Variants in SNX13 observed in about 807,000 individuals in gnomAD.
SNX13 encodes the protein sorting nexin 13.
A neutral mutation model predicts 133.6 loss-of-function variants in SNX13; 45 were observed. That is an observed-to-expected ratio of 0.34 (90% CI 0.27 to 0.43). The LOEUF is 0.43. SNX13 is among the 20% of genes least tolerant of loss of function. SNX13 has a pLI of 1.00. For missense variants in SNX13, 1,032 were observed against 1,145.1 expected (o/e 0.90, Z 1.43); for synonymous variants, 414 against 373.9 (o/e 1.11, Z -1.24).
rs955692072 is a variant in SNX13, at chr7:17,793,926, T to A, written c.*119A>T. Reference sequence around the variant, plus strand: ...CACAGACTTATGGATGTATTAATAATCTATTTTGAGACACTAAAAGACTGG... The same window carrying A: ...CACAGACTTATGGATGTATTAATAAACTATTTTGAGACACTAAAAGACTGG... On this transcript the variant is annotated 3_prime_UTR_variant, in exon 26 of 26. Coordinates refer to ENST00000428135, the MANE Select transcript of SNX13 (RefSeq NM_015132.5). The A allele has an allele frequency of 5.6e-6, 6 of 1,068,880 alleles. No homozygotes were observed. In the African/African-American group the frequency reaches 9.6e-5, roughly 17 times the overall value. 66.2% of individuals were successfully genotyped at this position (1,068,880 alleles called of 1,614,324 possible).
chr7:17,876,228 A>T (rs1280045625), intron 5 of SNX13, among the ~76,000 whole-genome samples: 1 of 152,214 alleles, frequency 6.6e-6, no homozygotes, highest in African/African-American at 2.4e-5. Flanking sequence ...CTCCACATTC[A>T]TCTTTTTAGC....
intron 1 of SNX13, among the ~76,000 whole-genome samples, chr7:17,920,854 T>C (rs1359811104): frequency 6.6e-6 from 1 of 152,214 alleles, no homozygotes; most frequent in East Asian, 1.9e-4. Context: ...AAATAGTTGC[T>C]CACAAATCTA....
chr7:17,879,508 A>C (rs948716360), intron 5 of SNX13: 1 of 152,222 alleles, frequency 6.6e-6, no homozygotes, highest in Admixed American at 6.5e-5. Context: ...TGTTTGGACA[A>C]TGGCAACAGG....
In SNX13 at chr7:17,924,512, G is replaced by A. The variant is rs976299997; in HGVS notation, c.12+15772C>T. Among the ~76,000 whole-genome samples, 6 of 152,164 alleles carry A rather than the reference G, an allele frequency of 3.9e-5. No individual in the cohort carries two copies. In the South Asian group the frequency reaches 8.3e-4, roughly 21 times the overall value. ...GAAAACAAAACCTTCCTACACTCCTGGTAGAAATGTAAAATAGTGCAGCCA... is the reference window on the plus strand; with the variant it reads ...GAAAACAAAACCTTCCTACACTCCTAGTAGAAATGTAAAATAGTGCAGCCA... On this transcript the variant is annotated intron_variant, in intron 1 of 25. Coordinates refer to ENST00000428135, the MANE Select transcript of SNX13 (RefSeq NM_015132.5).
chr7:17,801,627 G>T lies in SNX13; in HGVS notation c.2259C>A (p.Asp753Glu). The change falls in exon 22 of 26, where the codon GAC becomes GAA. Residue 753 changes from aspartate (D) to glutamate (E), a missense_variant. Transcript: ENST00000428135. ...GAGCCGAAACTCGGCGATGTTCAGG[G>T]TCTGAATCAGTCTTAGGAATTAAAG... ...VPPLIPKTDS[D>E]PEHRRVSAQL... 1 of 1,609,178 alleles carries T rather than the reference G, an allele frequency of 6.2e-7. No homozygotes were observed. The highest frequency in any genetic ancestry group is 1.1e-5 in the South Asian group (1 of 89,764).
At chr7:17,879,018 C>G (rs1795048524) in intron 5 of SNX13, among the ~76,000 whole-genome samples, 1 of 152,144 alleles carries the variant, frequency 6.6e-6, no homozygotes. Context: ...ACATGCCAAC[C>G]TTCACTGACC....
chr7:17,835,858 T>G (rs999273385), intron 13 of SNX13, among the ~76,000 whole-genome samples: 9 of 152,066 alleles, frequency 5.9e-5, no homozygotes, highest in South Asian at 2.1e-4. Context: ...GTGTGGTGGT[T>G]GTTGTTTTGA....
At chr7:17,868,542 C>A (rs949792293) in intron 8 of SNX13, 52 bp from the exon 9 acceptor site, 7 of 1,347,388 alleles carry the variant, frequency 5.2e-6, no homozygotes, top group Non-Finnish European at 7.3e-6. Context: ...CTGAAATCAA[C>A]AGCATAATGT....
At chr7:17,903,168 T>C (rs987885294) in intron 1 of SNX13, among the ~76,000 whole-genome samples, 1 of 152,166 alleles carries the variant, frequency 6.6e-6, no homozygotes, top group Non-Finnish European at 1.5e-5. Context: ...GAAGAAACTC[T>C]CAAGATCATC....
chr7:17,847,739 T>C (rs1362895791), intron 11 of SNX13, among the ~76,000 whole-genome samples: 2 of 152,176 alleles, frequency 1.3e-5, no homozygotes, highest in Non-Finnish European at 2.9e-5. Context: ...CATTCTCTCA[T>C]GGACAAACTC....
At chr7:17,846,293 G>T (rs1287065096) in intron 11 of SNX13, among the ~76,000 whole-genome samples, 1 of 150,972 alleles carries the variant, frequency 6.6e-6, no homozygotes, top group Non-Finnish European at 1.5e-5. Flanking sequence ...GAGCATCTAC[G>T]TATCAGGCTT....
chr7:17,923,122 C>T (rs1282861174), intron 1 of SNX13, among the ~76,000 whole-genome samples: 1 of 152,088 alleles, frequency 6.6e-6, no homozygotes, highest in Non-Finnish European at 1.5e-5. Context: ...GGCATTACTC[C>T]TAACATTTAT....
intron 5 of SNX13, among the ~76,000 whole-genome samples, chr7:17,876,925 T>C (rs1794790077): frequency 6.6e-6 from 1 of 151,810 alleles, no homozygotes; most frequent in South Asian, 2.1e-4. Flanking sequence ...GAAGAGTCTA[T>C]TCATGAAGAT....
Position 17,863,312 on chromosome 7 carries a change from T to C in SNX13, c.837+5095A>G, listed in dbSNP as rs1253875618. Among the ~76,000 whole-genome samples the C allele has an allele frequency of 3.3e-5, 5 of 152,080 alleles. No homozygotes were observed. In the East Asian group the frequency reaches 7.7e-4, roughly 23 times the overall value. ...TACATACACTCTTCTCAGCGGTCAG[T>C]AGACTTCGGGTATGACCCAGTGTAA... is the stretch of plus-strand genomic sequence containing the variant. On this transcript the variant is annotated intron_variant, in intron 9 of 25. Coordinates refer to ENST00000428135, the MANE Select transcript of SNX13 (RefSeq NM_015132.5).
intron 5 of SNX13, among the ~76,000 whole-genome samples, chr7:17,884,665 C>T (rs1795778631): frequency 6.6e-6 from 1 of 152,082 alleles, no homozygotes; most frequent in Non-Finnish European, 1.5e-5. Context: ...TTTCATTTTT[C>T]ATAGACACTG....
At chr7:17,868,789 T>G (rs995789036) in intron 8 of SNX13, among the ~76,000 whole-genome samples, 1 of 152,050 alleles carries the variant, frequency 6.6e-6, no homozygotes, top group African/African-American at 2.4e-5. Context: ...AGACAAAATA[T>G]AAGACTAACA....
intron 1 of SNX13, among the ~76,000 whole-genome samples, chr7:17,939,738 T>C (rs986612467): frequency 6.6e-6 from 1 of 152,166 alleles, no homozygotes; most frequent in African/African-American, 2.4e-5. Flanking sequence ...GGGAGGGGGA[T>C]GACCCAACTG....
intron 12 of SNX13, among the ~76,000 whole-genome samples, chr7:17,844,363 G>A (rs1187101320): frequency 6.6e-6 from 1 of 151,932 alleles, no homozygotes; most frequent in Non-Finnish European, 1.5e-5. Context: ...TGAAGGAATT[G>A]AAAATCTGAG....
intron 9 of SNX13, among the ~76,000 whole-genome samples, chr7:17,851,980 CAGA>C (rs1791265786): frequency 6.6e-6 from 1 of 151,934 alleles, no homozygotes; most frequent in African/African-American, 2.4e-5. Flanking sequence ...GACAGATACT[CAGA>C]AGATTTACTT....
Sources: allele counts gnomAD v4.1 joint callset (sites outside exome capture counted in the v4.1 genomes callset), GRCh38; gene constraint gnomAD v4.1.1; transcripts MANE v1.5; gene names NCBI Gene and HGNC (gene_info 2026-07-23, HGNC 2026-07-21).